Variants in SH3BGRL2 observed in about 807,000 individuals in gnomAD.
The protein encoded by SH3BGRL2 is SH3 domain-binding glutamic acid-rich-like protein 2.
Under a neutral mutation model 14.8 loss-of-function variants are expected in SH3BGRL2, and 21 were observed. The observed-to-expected ratio is 1.42, with a 90% CI of 1.01 to 2.05. SH3BGRL2 has a LOEUF of 2.05. SH3BGRL2 is among the 30% of genes most tolerant of loss of function. The pLI, the probability that SH3BGRL2 is intolerant of heterozygous loss-of-function variation, is 0.00. For synonymous variants in SH3BGRL2, 50 were observed against 47.8 expected (o/e 1.05, Z -0.19); for missense variants, 147 against 130.8 (o/e 1.12, Z -0.61).
chr6:79,631,559 C>G, intron 1 of SH3BGRL2, 53 bp downstream of exon 1: 1 of 1,316,426 alleles, frequency 7.6e-7, no homozygotes, highest in Non-Finnish European at 9.8e-7. Context: ...GCGGGTCCTG[C>G]GGGAGGCGCG....
chr6:79,615,823 T>G, the SH3BGRL2 span, among the ~76,000 whole-genome samples: 1 of 132,112 alleles, frequency 7.6e-6, no homozygotes, highest in Non-Finnish European at 1.6e-5. Context: ...CTGCCTTTTT[T>G]TTTTCTTTCT....
intron 2 of SH3BGRL2, among the ~76,000 whole-genome samples, chr6:79,674,704 G>A (rs1159463526): frequency 6.6e-6 from 1 of 152,184 alleles, no homozygotes; most frequent in African/African-American, 2.4e-5. Flanking sequence ...AATGGAGAAT[G>A]AGAAGTTGTA....
At chr6:79,563,935 G>A in the SH3BGRL2 span, among the ~76,000 whole-genome samples, 8 of 152,302 alleles carry the variant, frequency 5.3e-5, no homozygotes, top group Middle Eastern at 3.4e-3. Context: ...TTTAGGACTA[G>A]GCAGCTGATG....
rs761465358 is a variant in SH3BGRL2 at position 79,633,245 on chromosome 6, A to G, written c.45+1739A>G. On this transcript the variant is annotated intron_variant, in intron 1 of 3. Transcript: ENST00000369838. ...AACTAGTGCAGTGTAAGCCTGGTTA[A>G]GGTACCTCATCTCTGCCTGAGTTTC... 1.1e-3 allele frequency among the ~76,000 whole-genome samples: 160 copies of G among 152,280 alleles called. 1 individual carries two copies. The highest frequency in any genetic ancestry group is 6.8e-3 in the Middle Eastern group (2 of 294).
chr6:79,573,787 G>A, the SH3BGRL2 span: 1 of 151,954 alleles, frequency 6.6e-6, no homozygotes, highest in Non-Finnish European at 1.5e-5. Context: ...GAATGCAATT[G>A]ATTTTCATAC....
intron 1 of SH3BGRL2, among the ~76,000 whole-genome samples, chr6:79,649,985 T>TCTCTCTCTCACTCTCTCA (rs765159303): frequency 7.0e-6 from 1 of 141,980 alleles, no homozygotes; most frequent in Non-Finnish European, 1.5e-5. Flanking sequence ...TCTCTCTCTC[T>TCTCTCTCTCACTCTCTCA]CACACACACA....
At chr6:79,696,596 G>T in intron 3 of SH3BGRL2, 31 bp downstream of exon 3, 3 of 1,459,500 alleles carry the variant, frequency 2.1e-6, no homozygotes, top group Non-Finnish European at 2.8e-6. Context: ...TCTTGTTTTA[G>T]AATTCATCTC....
At chr6:79,556,449 A>C in the SH3BGRL2 span, among the ~76,000 whole-genome samples, 1 of 152,300 alleles carries the variant, frequency 6.6e-6, no homozygotes, top group African/African-American at 2.4e-5. Context: ...AAAATTATCA[A>C]CATCAAAGCA....
chr6:79,592,579 A>G, the SH3BGRL2 span, among the ~76,000 whole-genome samples: 2,701 of 152,306 alleles, frequency 0.018, 40 homozygotes, highest in Non-Finnish European at 0.027. Flanking sequence ...TTCTAGGCAG[A>G]GATGACAGCA....
the SH3BGRL2 span, among the ~76,000 whole-genome samples, chr6:79,583,250 A>G: frequency 1.3e-5 from 2 of 152,238 alleles, no homozygotes; most frequent in Non-Finnish European, 2.9e-5. Context: ...TAGAGCTAGA[A>G]TTACCATTTG....
chr6:79,679,485 A>G (rs1442207025), intron 2 of SH3BGRL2, among the ~76,000 whole-genome samples: 2 of 149,944 alleles, frequency 1.3e-5, no homozygotes, highest in Non-Finnish European at 3.0e-5. Context: ...TAAGTTCCTT[A>G]TAAATTCTGG....
the SH3BGRL2 span, among the ~76,000 whole-genome samples, chr6:79,585,961 C>T: frequency 8.0e-4 from 121 of 151,826 alleles, 1 homozygote; most frequent in African/African-American, 2.2e-3. Context: ...TTTGGGAGGC[C>T]GAGGCAGGCG....
At chr6:79,615,399 C>G in the SH3BGRL2 span, among the ~76,000 whole-genome samples, 2 of 152,182 alleles carry the variant, frequency 1.3e-5, no homozygotes, top group Admixed American at 1.3e-4. Context: ...TGTGAAGCCT[C>G]TTCTGCGCAG....
At position 79,676,144 on chromosome 6, in the gene SH3BGRL2, A is replaced by C. The variant is rs188572566; in HGVS notation, c.231+2345A>C. Among the ~76,000 whole-genome samples, 218 of 152,138 alleles carry C rather than the reference A, an allele frequency of 1.4e-3. 2 individuals carry two copies. The highest frequency in any genetic ancestry group is 5.0e-3 in the African/African-American group (208 of 41,492). ...CTGCTTTGGGAATCTCTGCCTGGCT[A>C]TTGGAGTTCTGGACCTTTAGGGTGA... On this transcript the variant is annotated intron_variant, in intron 2 of 3. Coordinates refer to ENST00000369838, the MANE Select transcript of SH3BGRL2 (RefSeq NM_031469.4).
At chr6:79,564,905 T>C in the SH3BGRL2 span, among the ~76,000 whole-genome samples, 3 of 152,148 alleles carry the variant, frequency 2.0e-5, no homozygotes, top group Non-Finnish European at 4.4e-5. Flanking sequence ...ATTTTCCCCT[T>C]TTTCTGGATA....
chr6:79,650,002 C>CACACAT lies in SH3BGRL2; in HGVS notation c.45+18501_45+18502insTACACA, dbSNP rs1294801315. ...TCTCTCTCTCACACACACACACACA[C>CACACAT]ACACACACACACACAGTTACCCTAA... On this transcript the variant is annotated intron_variant, in intron 1 of 3. Coordinates refer to ENST00000369838, the MANE Select transcript of SH3BGRL2 (RefSeq NM_031469.4). Among the ~76,000 whole-genome samples, 7 of 151,832 alleles carry CACACAT rather than the reference C, an allele frequency of 4.6e-5. 1 individual carries two copies. The East Asian group carries it at 7.7e-4, about 17-fold the overall frequency.
chr6:79,572,482 T>C, the SH3BGRL2 span, among the ~76,000 whole-genome samples: 2 of 151,494 alleles, frequency 1.3e-5, no homozygotes, highest in South Asian at 2.1e-4. Context: ...TTTATTTATT[T>C]TGAGACATAG....
At chr6:79,582,460 A>G in the SH3BGRL2 span, among the ~76,000 whole-genome samples, 4 of 152,162 alleles carry the variant, frequency 2.6e-5, no homozygotes. Flanking sequence ...GGAACAGAAC[A>G]GAGGCCTCGG....
intron 1 of SH3BGRL2, among the ~76,000 whole-genome samples, chr6:79,665,018 G>A (rs1259122909): frequency 6.6e-6 from 1 of 152,132 alleles, no homozygotes; most frequent in African/African-American, 2.4e-5. Context: ...TGACCAACAT[G>A]GTGAAACCTC....
Sources: gnomAD v4.1 joint callset for allele counts (sites outside exome capture counted in the v4.1 genomes callset) on GRCh38, gnomAD v4.1.1 for gene constraint, MANE v1.5 for transcripts, NCBI Gene and HGNC (gene_info 2026-07-23, HGNC 2026-07-21) for gene names.